Variants in ZNF148 observed in about 807,000 individuals in gnomAD.
The protein encoded by ZNF148 is zinc finger protein 148.
ZNF148 carries 7 observed loss-of-function variants against 67.7 expected under a neutral mutation model. That is an observed-to-expected ratio of 0.10 (90% CI 0.06 to 0.19). The LOEUF (loss-of-function observed/expected upper bound fraction) is 0.19, where lower values mean the gene tolerates loss of function less well. Among genes scored for constraint, ZNF148 ranks in the 10% least tolerant of loss-of-function variants. The pLI, the probability that ZNF148 is intolerant of heterozygous loss-of-function variation, is 1.00. For missense variants in ZNF148, 583 were observed against 947.1 expected (o/e 0.62, Z 5.05); for synonymous variants, 333 against 330.7 (o/e 1.01, Z -0.08).
At chr3:125,245,905 T>C (rs1936576602) in intron 7 of ZNF148, among the ~76,000 whole-genome samples, 1 of 152,210 alleles carries the variant, frequency 6.6e-6, no homozygotes, top group Non-Finnish European at 1.5e-5. Context: ...GAATAAAAAT[T>C]AAAACAGGGT....
intron 5 of ZNF148, among the ~76,000 whole-genome samples, chr3:125,280,758 C>G (rs1439581101): frequency 1.1e-5 from 1 of 93,510 alleles, no homozygotes; most frequent in African/African-American, 3.9e-5. Context: ...TTGACGAAAG[C>G]AAAAAAAAAA....
chr3:125,333,271 C>T (rs1254006007), intron 1 of ZNF148, among the ~76,000 whole-genome samples: 1 of 152,012 alleles, frequency 6.6e-6, no homozygotes, highest in Non-Finnish European at 1.5e-5. Context: ...AAAAAGAAAA[C>T]AAAAATAAAA....
intron 1 of ZNF148, chr3:125,357,288 C>T (rs1460191266): frequency 6.5e-6 from 1 of 152,926 alleles, no homozygotes; most frequent in African/African-American, 2.5e-5. Flanking sequence ...TCCTCCTCCT[C>T]CCTGCAGAGG....
intron 1 of ZNF148, among the ~76,000 whole-genome samples, chr3:125,338,659 C>CAAAAAAAAA (rs757727396): frequency 9.8e-5 from 5 of 51,186 alleles, no homozygotes; most frequent in South Asian, 1.1e-3. Context: ...GACCCTGTCT[C>CAAAAAAAAA]AAAAAAAAAA....
intron 4 of ZNF148, among the ~76,000 whole-genome samples, chr3:125,298,792 T>C (rs998432287): frequency 6.6e-6 from 1 of 150,614 alleles, no homozygotes. Context: ...GCCCAGCTAA[T>C]TTTTTTTTGT....
intron 7 of ZNF148, among the ~76,000 whole-genome samples, chr3:125,267,586 A>G (rs909731832): frequency 2.6e-5 from 4 of 152,132 alleles, no homozygotes; most frequent in African/African-American, 4.8e-5. Context: ...CCTCACAATA[A>G]TAAGAGCCAT....
At chr3:125,278,574 G>T (rs968524821) in intron 6 of ZNF148, among the ~76,000 whole-genome samples, 3 of 152,064 alleles carry the variant, frequency 2.0e-5, no homozygotes, top group African/African-American at 7.2e-5. Context: ...CACTGGCACT[G>T]TTGGTCACAT....
intron 7 of ZNF148, among the ~76,000 whole-genome samples, chr3:125,257,642 T>C (rs780325502): frequency 2.0e-5 from 3 of 152,036 alleles, no homozygotes; most frequent in Non-Finnish European, 4.4e-5. Flanking sequence ...ACTAGGTTAT[T>C]TGTGGCAAAT....
chr3:125,257,131 T>C lies in ZNF148; in HGVS notation c.667+20595A>G, dbSNP rs369321162. Among the ~76,000 whole-genome samples, 260 of 152,326 alleles carry C rather than the reference T, an allele frequency of 1.7e-3. 11 individuals are homozygous for C. In the South Asian group the frequency reaches 0.05, roughly 29 times the overall value. On this transcript the variant is annotated intron_variant, in intron 7 of 8. Coordinates refer to ENST00000360647, the MANE Select transcript of ZNF148 (RefSeq NM_021964.3). ...TCTCTGAATCACCCATGAGTTTGTTTTTATTATCTATTTTTCTCTTGGCTT... is the reference window on the plus strand; with the variant it reads ...TCTCTGAATCACCCATGAGTTTGTTCTTATTATCTATTTTTCTCTTGGCTT...
chr3:125,344,197 AT>A, intron 1 of ZNF148: 1 of 319,518 alleles, frequency 3.1e-6, no homozygotes, highest in Non-Finnish European at 6.0e-6. Context: ...CTTTGTAGTG[AT>A]TTTTCTGCCA....
intron 2 of ZNF148, among the ~76,000 whole-genome samples, chr3:125,326,629 A>G (rs765582840): frequency 6.0e-5 from 9 of 149,660 alleles, no homozygotes; most frequent in Admixed American, 1.3e-4. Flanking sequence ...ATAAAGGATC[A>G]TATCATATAT....
At position 125,230,841 on chromosome 3, in the gene ZNF148, G is replaced by GT. The variant is rs1389863897; in HGVS notation, c.*1499dup. On this transcript the variant is annotated 3_prime_UTR_variant, in exon 9 of 9. Transcript: ENST00000360647. ...TTTAAAATGTAAAAATGAAAAAGTT[G>GT]TAACAAAGAGTCAATAACTAATATA... 2 of 152,082 alleles carry GT rather than the reference G, an allele frequency of 1.3e-5. No homozygotes were observed. Among genetic ancestry groups the GT allele is most frequent in the Admixed American group, 6.6e-5 (1 of 15,242 alleles). The allele number at this position is 152,082 out of a possible 1,614,324, so 9.4% of individuals were successfully genotyped here.
intron 7 of ZNF148, among the ~76,000 whole-genome samples, chr3:125,255,197 C>T (rs1411842753): frequency 7.1e-6 from 1 of 140,984 alleles, no homozygotes; most frequent in Non-Finnish European, 1.5e-5. Context: ...TATTCATTTA[C>T]GTTTAGCCAC....
intron 7 of ZNF148, among the ~76,000 whole-genome samples, chr3:125,258,106 G>A (rs1937167570): frequency 9.0e-6 from 1 of 111,204 alleles, no homozygotes; most frequent in South Asian, 3.1e-4. Context: ...ATATACTGTG[G>A]TAACTGCATT....
intron 1 of ZNF148, among the ~76,000 whole-genome samples, chr3:125,345,357 A>G (rs1427228244): frequency 6.6e-6 from 1 of 152,190 alleles, no homozygotes; most frequent in Non-Finnish European, 1.5e-5. Context: ...TAAAAACATA[A>G]TACACATCAA....
chr3:125,291,620 T>A (rs189981436), intron 4 of ZNF148, among the ~76,000 whole-genome samples: 3 of 152,306 alleles, frequency 2.0e-5, no homozygotes, highest in South Asian at 4.1e-4. Context: ...TTTTATAGTC[T>A]CCCTGACACT....
intron 7 of ZNF148, among the ~76,000 whole-genome samples, chr3:125,240,604 A>C (rs541014605): frequency 6.6e-6 from 1 of 152,084 alleles, no homozygotes; most frequent in Admixed American, 6.5e-5. Context: ...ATCTACAAAA[A>C]ATTTTTTAAA....
intron 7 of ZNF148, among the ~76,000 whole-genome samples, chr3:125,243,268 CTGTTA>C (rs1346830553): frequency 2.0e-5 from 3 of 152,050 alleles, no homozygotes; most frequent in Non-Finnish European, 4.4e-5. Context: ...GTGTTTTCTT[CTGTTA>C]TATCTTCTAT....
At chr3:125,348,402 G>A (rs1346574907) in intron 1 of ZNF148, among the ~76,000 whole-genome samples, 2 of 148,458 alleles carry the variant, frequency 1.3e-5, no homozygotes, top group African/African-American at 5.0e-5. Context: ...GATCACTCGG[G>A]CCCGAGACGC....
Sources: allele counts gnomAD v4.1 joint callset (sites outside exome capture counted in the v4.1 genomes callset), GRCh38; gene constraint gnomAD v4.1.1; transcripts MANE v1.5; gene names NCBI Gene and HGNC (gene_info 2026-07-23, HGNC 2026-07-21).